The following DGCR2 variants were observed in gnomAD, a reference collection of about 807,000 sequenced individuals.
The protein encoded by DGCR2 is integral membrane protein DGCR2/IDD.
A neutral mutation model predicts 51.6 loss-of-function variants in DGCR2; 24 were observed. The ratio of observed to expected loss-of-function variants is 0.47; its 90% CI spans 0.34 to 0.65. The LOEUF is 0.65. Ranked by LOEUF, DGCR2 falls within the 30% of genes least tolerant of loss-of-function variation. The pLI is 0.01. For synonymous variants in DGCR2, 340 were observed against 315.4 expected, an observed-to-expected ratio of 1.08 and a Z score of -0.82; for missense variants, 765 against 772.1, an observed-to-expected ratio of 0.99 and a Z score of 0.11.
At chr22:19,084,687 G>A (rs1271532902) in intron 2 of DGCR2, among the ~76,000 whole-genome samples, 1 of 109,312 alleles carries the variant, frequency 9.1e-6, no homozygotes, top group Non-Finnish European at 2.1e-5. Flanking sequence ...GCCCCCGCCC[G>A]GCCAGCTGCC....
At chr22:19,111,145 T>C (rs1313059677) in intron 1 of DGCR2, among the ~76,000 whole-genome samples, 3 of 152,156 alleles carry the variant, frequency 2.0e-5, no homozygotes, top group African/African-American at 7.2e-5. Context: ...CTAATAAGCC[T>C]CCCAAGCTTC....
intron 1 of DGCR2, among the ~76,000 whole-genome samples, chr22:19,115,271 G>C (rs532847857): frequency 6.6e-6 from 1 of 152,188 alleles, no homozygotes; most frequent in Admixed American, 6.5e-5. Context: ...CCTCAGCACC[G>C]GCTTGCTGGG....
At chr22:19,078,743 A>T (rs989388544) in intron 2 of DGCR2, among the ~76,000 whole-genome samples, 1 of 152,198 alleles carries the variant, frequency 6.6e-6, no homozygotes, top group African/African-American at 2.4e-5. Flanking sequence ...ACAGACTGCT[A>T]AACTTGGTTA....
chr22:19,089,604 G>C, intron 1 of DGCR2, 114 bp from the exon 2 acceptor site: 1 of 1,218,964 alleles, frequency 8.2e-7, no homozygotes, highest in Non-Finnish European at 1.1e-6. Flanking sequence ...TTTTGAGACA[G>C]AGTCTCATTC....
intron 1 of DGCR2, among the ~76,000 whole-genome samples, chr22:19,118,232 C>T (rs557927479): frequency 5.7e-4 from 87 of 152,196 alleles, no homozygotes; most frequent in African/African-American, 2.0e-3. Flanking sequence ...ATTATCCCAG[C>T]ATGGTGGCGT....
At chr22:19,081,188 T>G (rs2082932155) in intron 2 of DGCR2, among the ~76,000 whole-genome samples, 1 of 152,196 alleles carries the variant, frequency 6.6e-6, no homozygotes, top group Admixed American at 6.5e-5. Flanking sequence ...ACATGTAAGA[T>G]TCATAAGCCT....
chr22:19,111,332 G>A (rs1353922036), intron 1 of DGCR2, among the ~76,000 whole-genome samples: 1 of 152,184 alleles, frequency 6.6e-6, no homozygotes, highest in Non-Finnish European at 1.5e-5. Context: ...TCAGTGAAAA[G>A]GTGCCCGGTT....
In DGCR2 at chr22:19,037,363, CAG is replaced by C; in HGVS notation, c.*1500_*1501del. The C allele has an allele frequency of 6.6e-6, 1 of 152,404 alleles. No individual in the cohort carries two copies. Among genetic ancestry groups the C allele is most frequent in the East Asian group, 1.9e-4 (1 of 5,192 alleles). 9.4% of individuals were successfully genotyped at this position (152,404 alleles called of 1,614,324 possible). A position where few individuals can be genotyped will look rare whatever the true frequency, so the allele number is the denominator to read the frequency against. On this transcript the variant is annotated 3_prime_UTR_variant, in exon 10 of 10. Coordinates refer to ENST00000263196, the MANE Select transcript of DGCR2 (RefSeq NM_005137.3). Reference sequence around the variant, plus strand: ...GATGGAAAAAATGGGTCTCCAGCCACAGTGTGAGAATGTGTCAAGAAGTGGAC... The same window carrying C: ...GATGGAAAAAATGGGTCTCCAGCCACTGTGAGAATGTGTCAAGAAGTGGAC...
intron 1 of DGCR2, among the ~76,000 whole-genome samples, chr22:19,119,921 C>T (rs2083413555): frequency 6.6e-6 from 1 of 152,000 alleles, no homozygotes; most frequent in Admixed American, 6.6e-5. Flanking sequence ...TGGGCTCTGA[C>T]TGATACCTTC....
chr22:19,115,264 C>A (rs193101526), intron 1 of DGCR2, among the ~76,000 whole-genome samples: 2 of 152,360 alleles, frequency 1.3e-5, no homozygotes, highest in African/African-American at 4.8e-5. Context: ...GCAGCTCCCT[C>A]AGCACCGGCT....
chr22:19,041,711 T>C (rs1569035111), intron 8 of DGCR2, 96 bp downstream of exon 8: 9 of 1,408,930 alleles, frequency 6.4e-6, no homozygotes, highest in Non-Finnish European at 8.7e-6. Context: ...AACCTGCCTC[T>C]GCCCCTCTCT....
At chr22:19,082,055 GTTTT>G (rs964748419) in intron 2 of DGCR2, among the ~76,000 whole-genome samples, 7 of 92,050 alleles carry the variant, frequency 7.6e-5, no homozygotes, top group African/African-American at 1.8e-4. Context: ...GTTTTTTGGG[GTTTT>G]TTTTGTTTTT....
intron 1 of DGCR2, among the ~76,000 whole-genome samples, chr22:19,112,628 G>C (rs1360802921): frequency 7.0e-6 from 1 of 143,440 alleles, no homozygotes; most frequent in Non-Finnish European, 1.5e-5. Context: ...AGTTTTTGCA[G>C]AGATGCCATA....
chr22:19,050,022 T>C (rs2057754), intron 6 of DGCR2, among the ~76,000 whole-genome samples: 27,118 of 151,392 alleles, frequency 0.18, 2,585 homozygotes, highest in South Asian at 0.29. Context: ...GAGTAACAAA[T>C]GGAGAGGAGA....
Position 19,057,210 on chromosome 22 carries a change from C to G in DGCR2, c.626-48G>C. 2.0e-6 allele frequency: 3 copies of G among 1,531,828 alleles called. No homozygotes were observed. Among genetic ancestry groups the G allele is most frequent in the Middle Eastern group, 4.3e-4 (2 of 4,674 alleles). The allele number at this position is 1,531,828 out of a possible 1,614,324, so 94.9% of individuals were successfully genotyped here. ...GGCTGGACAACATCACATCAGAGGACAAGCTGTGCAGTCCTCAAGGGGACC... is the reference window on the plus strand; with the variant it reads ...GGCTGGACAACATCACATCAGAGGAGAAGCTGTGCAGTCCTCAAGGGGACC... On this transcript the variant is annotated intron_variant, in intron 5 of 9. Coordinates refer to ENST00000263196, the MANE Select transcript of DGCR2 (RefSeq NM_005137.3). This position sits in a 1 kb window ranked among gnomAD's most constrained non-coding sequence, Gnocchi z 5.1.
At chr22:19,087,913 G>C (rs2083035673) in intron 2 of DGCR2, among the ~76,000 whole-genome samples, 1 of 152,042 alleles carries the variant, frequency 6.6e-6, no homozygotes, top group South Asian at 2.1e-4. Context: ...TCAAACTCCT[G>C]GCCTAAAGCG....
At chr22:19,077,832 CTTT>C (rs141485718) in intron 2 of DGCR2, among the ~76,000 whole-genome samples, 1 of 143,456 alleles carries the variant, frequency 7.0e-6, no homozygotes. Context: ...TTATTTTTGT[CTTT>C]TTTTTTTTTT....
intron 7 of DGCR2, among the ~76,000 whole-genome samples, chr22:19,043,360 G>A (rs975693531): frequency 2.0e-5 from 3 of 152,234 alleles, no homozygotes; most frequent in Admixed American, 2.0e-4. Flanking sequence ...AGTGCACACT[G>A]GGGACAGGGG....
chr22:19,089,497 G>A lies in DGCR2; in HGVS notation c.80-7C>T. Reference sequence around the variant, plus strand: ...CCAGGGTTGCACCGCAGCTCTGTGGGACCAAAGGGTGAGAGGCCATTGAGG... The same window carrying A: ...CCAGGGTTGCACCGCAGCTCTGTGGAACCAAAGGGTGAGAGGCCATTGAGG... On this transcript the variant is annotated splice_polypyrimidine_tract_variant and splice_region_variant and intron_variant, in intron 1 of 9. Transcript: ENST00000263196. 1.3e-6 allele frequency: 2 copies of A among 1,557,676 alleles called. No individual in the cohort carries two copies. The highest frequency in any genetic ancestry group is 1.2e-5 in the South Asian group (1 of 85,008).
Sources: allele counts gnomAD v4.1 joint callset (sites outside exome capture counted in the v4.1 genomes callset), GRCh38; gene constraint gnomAD v4.1.1; non-coding constraint Gnocchi (gnomAD v3.1); transcripts MANE v1.5; gene names NCBI Gene and HGNC (gene_info 2026-07-23, HGNC 2026-07-21).